Variants in SMC2 observed in about 807,000 individuals in gnomAD.
The protein encoded by SMC2 is structural maintenance of chromosomes 2, also known as structural maintenance of chromosomes protein 2.
Under a neutral mutation model 142.6 loss-of-function variants are expected in SMC2, and 41 were observed. The ratio of observed to expected loss-of-function variants is 0.29; its 90% CI spans 0.22 to 0.37. The LOEUF is 0.37. SMC2 is among the 10% of genes least tolerant of loss of function. SMC2 has a pLI of 1.00. For synonymous variants in SMC2, 463 were observed against 457.5 expected (o/e 1.01, Z -0.15); for missense variants, 1,265 against 1,373.7 (o/e 0.92, Z 1.25).
intron 20 of SMC2, 59 bp from the exon 21 acceptor site, chr9:104,129,586 T>C: frequency 7.8e-7 from 1 of 1,285,930 alleles, no homozygotes; most frequent in Non-Finnish European, 1.1e-6. Flanking sequence ...AGAAACTGGC[T>C]TATACATATT....
At chr9:104,128,775 G>A (rs1200197663) in intron 20 of SMC2, among the ~76,000 whole-genome samples, 3 of 152,262 alleles carry the variant, frequency 2.0e-5, no homozygotes, top group Middle Eastern at 6.8e-3. Flanking sequence ...TGTATTACAT[G>A]AAAAATTATT....
intron 18 of SMC2, among the ~76,000 whole-genome samples, chr9:104,125,497 G>A (rs1169216297): frequency 6.6e-6 from 1 of 152,118 alleles, no homozygotes; most frequent in Non-Finnish European, 1.5e-5. Flanking sequence ...TGAAAACCCT[G>A]CAATCGAGTG....
Position 104,134,545 on chromosome 9 carries a change from A to G in SMC2, c.3239A>G (p.Glu1080Gly). The G allele has an allele frequency of 6.2e-7, 1 of 1,610,552 alleles. No homozygotes were observed. Among genetic ancestry groups the G allele is most frequent in the Non-Finnish European group, 8.5e-7 (1 of 1,178,112 alleles). Residue 1080 changes from glutamate to glycine, a missense_variant, in exon 23 of 25, where the codon GAA becomes GGA. Physicochemically the swap from Glu to Gly is moderately conservative, Grantham distance 98 (BLOSUM62 -2). Coordinates refer to ENST00000374793, the MANE Select transcript of SMC2 (RefSeq NM_006444.3). ...GTTGCCTTGGGAAATACCTGGAAAG[A>G]AAACCTAACTGAACTTAGTGGTGGT... ...FKVALGNTWK[E>G]NLTELSGGQR... is the part of the protein sequence containing the mutation.
At chr9:104,134,647 G>A in intron 23 of SMC2, 72 bp downstream of exon 23, 8 of 1,074,914 alleles carry the variant, frequency 7.4e-6, no homozygotes, top group Non-Finnish European at 1.0e-5. Flanking sequence ...CCTTAAAACT[G>A]TATTTGTGTT....
upstream of SMC2, among the ~76,000 whole-genome samples, chr9:104,091,261 T>C (rs1829978326): frequency 6.6e-6 from 1 of 152,368 alleles, no homozygotes; most frequent in East Asian, 1.9e-4. Context: ...TATAGCCTTA[T>C]GATTCTAGAC....
intron 16 of SMC2, among the ~76,000 whole-genome samples, chr9:104,122,475 T>G (rs944008742): frequency 1.3e-5 from 2 of 151,926 alleles, no homozygotes; most frequent in South Asian, 2.1e-4. Flanking sequence ...GTTTTGTTTT[T>G]TTTTTTTCCT....
intron 23 of SMC2, 106 bp downstream of exon 23, chr9:104,134,681 T>A (rs1262625569): frequency 5.3e-6 from 4 of 751,972 alleles, no homozygotes. Flanking sequence ...CATGTAGAAT[T>A]TAAGGAGTCT....
chr9:104,119,870 T>G (rs1430635737), intron 15 of SMC2, among the ~76,000 whole-genome samples, 157 bp from the exon 16 acceptor site: 2 of 152,216 alleles, frequency 1.3e-5, no homozygotes, highest in Admixed American at 6.5e-5. Flanking sequence ...CTCTGTGTTC[T>G]AAGGTTCAGG....
chr9:104,097,119 GTTTTTTTTTTTT>G (rs71501412), intron 3 of SMC2, among the ~76,000 whole-genome samples: 1 of 104,120 alleles, frequency 9.6e-6, no homozygotes, highest in African/African-American at 3.6e-5. Context: ...GCTTGTCAAG[GTTTTTTTTTTTT>G]TTTTTTTTTT....
intron 13 of SMC2, among the ~76,000 whole-genome samples, chr9:104,115,482 C>A (rs1270497702): frequency 6.6e-6 from 1 of 151,252 alleles, no homozygotes; most frequent in Non-Finnish European, 1.5e-5. Context: ...GGCTGAGGCA[C>A]AAGAATTGCT....
chr9:104,133,426 T>C (rs1004678300), intron 22 of SMC2, among the ~76,000 whole-genome samples: 4 of 152,176 alleles, frequency 2.6e-5, no homozygotes, highest in African/African-American at 9.7e-5. Flanking sequence ...TTAGTAAATC[T>C]ATATTTAGGA....
In SMC2 at chr9:104,127,155, G is replaced by A. The variant is rs1007843045; in HGVS notation, c.2596-131G>A. 6.1e-6 allele frequency: 4 copies of A among 654,102 alleles called. No homozygotes were observed. In the Admixed American group the frequency reaches 1.2e-4, roughly 20 times the overall value. The allele number at this position is 654,102 out of a possible 1,614,324, so 40.5% of individuals were successfully genotyped here. A position where few individuals can be genotyped will look rare whatever the true frequency, so the allele number is the denominator to read the frequency against. On this transcript the variant is annotated intron_variant, in intron 19 of 24. Coordinates refer to ENST00000374793, the MANE Select transcript of SMC2 (RefSeq NM_006444.3). ...TTAATGGTGATATAAAATATAGAGG[G>A]TTAGGTGATCATCTCTCTGCCTGTA...
chr9:104,094,235 A>C (rs1474111156), upstream of SMC2: 9 of 397,192 alleles, frequency 2.3e-5, no homozygotes, highest in Non-Finnish European at 4.0e-5. Flanking sequence ...TTGAACCCTA[A>C]AGACAGGCAG....
chr9:104,120,984 A>AAGGAGAT (rs1198350954), intron 16 of SMC2, among the ~76,000 whole-genome samples: 2 of 145,402 alleles, frequency 1.4e-5, no homozygotes, highest in East Asian at 3.9e-4. Flanking sequence ...TAAATCAGGA[A>AAGGAGAT]AGGAGATAGG....
At chr9:104,115,185 T>C (rs1043711616) in intron 13 of SMC2, among the ~76,000 whole-genome samples, 4 of 152,122 alleles carry the variant, frequency 2.6e-5, no homozygotes, top group Non-Finnish European at 5.9e-5. Context: ...ATTATCCTTC[T>C]GTAGAATGCT....
At chr9:104,126,620 T>C in intron 18 of SMC2, 21 bp from the exon 19 acceptor site, 1 of 1,588,652 alleles carries the variant, frequency 6.3e-7, no homozygotes. Flanking sequence ...TATGAATACC[T>C]GAATACTGTA....
At chr9:104,093,825 A>G (rs528912252), upstream of SMC2, among the ~76,000 whole-genome samples, 214 of 149,226 alleles carry the variant, frequency 1.4e-3, no homozygotes, top group African/African-American at 4.9e-3. Flanking sequence ...TGGCCCCAAG[A>G]AGTACAGCTT....
intron 9 of SMC2, among the ~76,000 whole-genome samples, chr9:104,105,846 C>T (rs149335186): frequency 6.6e-6 from 1 of 152,266 alleles, no homozygotes; most frequent in East Asian, 1.9e-4. Flanking sequence ...AACATCTTAT[C>T]ATGTTACCCG....
At chr9:104,117,766 G>A (rs1833289110) in intron 14 of SMC2, among the ~76,000 whole-genome samples, 1 of 152,112 alleles carries the variant, frequency 6.6e-6, no homozygotes, top group African/African-American at 2.4e-5. Flanking sequence ...TTCAACCACT[G>A]TAATACAAAT....
Sources: gnomAD v4.1 joint callset for allele counts (sites outside exome capture counted in the v4.1 genomes callset) on GRCh38, gnomAD v4.1.1 for gene constraint, MANE v1.5 for transcripts, NCBI Gene and HGNC (gene_info 2026-07-23, HGNC 2026-07-21) for gene names.